The following UBE2D2 variants were observed in gnomAD, a reference collection of about 807,000 sequenced individuals.
UBE2D2 encodes ubiquitin conjugating enzyme E2 D2.
A neutral mutation model predicts 24.2 loss-of-function variants in UBE2D2; 2 were observed. That is an observed-to-expected ratio of 0.08 (90% confidence interval 0.03 to 0.26). The LOEUF (loss-of-function observed/expected upper bound fraction) is 0.26, where lower values mean the gene tolerates loss of function less well. Ranked by LOEUF, UBE2D2 falls within the 10% of genes least tolerant of loss-of-function variation. The pLI is 1.00. For synonymous variants in UBE2D2, 58 were observed against 56.5 expected (o/e 1.03, Z -0.12); for missense variants, 44 against 177.6 (o/e 0.25, Z 4.28).
At chr5:139,591,517 A>C (rs947705930) in intron 1 of UBE2D2, among the ~76,000 whole-genome samples, 2 of 152,156 alleles carry the variant, frequency 1.3e-5, no homozygotes, top group African/African-American at 4.8e-5. Flanking sequence ...GCTTATAGTT[A>C]GTTCAGGGAG....
chr5:139,561,741 C>T lies in UBE2D2; in HGVS notation c.-51C>T. ...AGGCTCCCTAGCCCCTTCCCCGTCC[C>T]TTCCCCGCCCCCGTCCCCGCCCCGG... On this transcript the variant is annotated 5_prime_UTR_variant, in exon 1 of 7. Coordinates refer to ENST00000398733, the MANE Select transcript of UBE2D2 (RefSeq NM_003339.3). 1 of 1,405,916 alleles carries T rather than the reference C, an allele frequency of 7.1e-7. No individual in the cohort carries two copies. The highest frequency in any genetic ancestry group is 1.5e-5 in the African/African-American group (1 of 65,984). 87.1% of individuals were successfully genotyped at this position (1,405,916 alleles called of 1,614,324 possible).
intron 1 of UBE2D2, among the ~76,000 whole-genome samples, chr5:139,537,130 C>A (rs1205862861): frequency 1.3e-5 from 2 of 150,618 alleles, no homozygotes; most frequent in Non-Finnish European, 3.0e-5. Context: ...TTGCAGTGAG[C>A]TGAGATCATG....
intron 2 of UBE2D2, among the ~76,000 whole-genome samples, chr5:139,602,812 C>T (rs1754110756): frequency 6.6e-6 from 1 of 152,168 alleles, no homozygotes; most frequent in East Asian, 1.9e-4. Flanking sequence ...AATTATGAGT[C>T]TAAGTACATG....
Position 139,579,939 on chromosome 5 carries a change from C to T in UBE2D2, c.24+18124C>T, listed in dbSNP as rs562521539. ...GCACGCGCCTGTAATCCCAGCTACT[C>T]GGGAGGCTGAGGCAGGAGAATTGCT... On this transcript the variant is annotated intron_variant, in intron 1 of 6. Transcript: ENST00000398733. Among the ~76,000 whole-genome samples, 35 of 151,524 alleles carry T rather than the reference C, an allele frequency of 2.3e-4. 1 individual carries two copies. Among genetic ancestry groups the T allele is most frequent in the Admixed American group, 6.6e-4 (10 of 15,150 alleles).
chr5:139,554,198 A>G (rs1752953495), intron 1 of UBE2D2, among the ~76,000 whole-genome samples: 1 of 152,094 alleles, frequency 6.6e-6, no homozygotes, highest in South Asian at 2.1e-4. Flanking sequence ...TTAAAGGCTC[A>G]TGCAGACAGA....
chr5:139,564,140 T>G (rs1753167908), intron 1 of UBE2D2, among the ~76,000 whole-genome samples: 1 of 152,166 alleles, frequency 6.6e-6, no homozygotes, highest in Non-Finnish European at 1.5e-5. Flanking sequence ...TTTAATAAAA[T>G]CAAGTTTAGA....
At chr5:139,588,220 C>T (rs2126672804) in intron 1 of UBE2D2, among the ~76,000 whole-genome samples, 1 of 152,162 alleles carries the variant, frequency 6.6e-6, no homozygotes, top group East Asian at 1.9e-4. Flanking sequence ...GCCTCAGCCT[C>T]CACTGCACCT....
At chr5:139,562,312 C>A in intron 1 of UBE2D2, 1 of 1,349,648 alleles carries the variant, frequency 7.4e-7, no homozygotes, top group Non-Finnish European at 9.8e-7. Context: ...ACAAGTATAT[C>A]CTGAGTTCAC....
chr5:139,611,319 T>G (rs1484706652), intron 2 of UBE2D2, among the ~76,000 whole-genome samples: 1 of 151,550 alleles, frequency 6.6e-6, no homozygotes, highest in Admixed American at 6.6e-5. Flanking sequence ...CCTGAGTAGC[T>G]GGGATTACAG....
At chr5:139,539,072 T>G (rs1346174720) in intron 1 of UBE2D2, among the ~76,000 whole-genome samples, 3 of 152,028 alleles carry the variant, frequency 2.0e-5, no homozygotes, top group Non-Finnish European at 4.4e-5. Context: ...TCGCCCAGGC[T>G]GGAGTGCAGT....
At chr5:139,564,003 G>T (rs1395688767) in intron 1 of UBE2D2, among the ~76,000 whole-genome samples, 3 of 152,064 alleles carry the variant, frequency 2.0e-5, no homozygotes, top group African/African-American at 7.2e-5. Flanking sequence ...TTCAGAGAGG[G>T]AACTATCTCT....
intron 1 of UBE2D2, among the ~76,000 whole-genome samples, chr5:139,595,535 G>A (rs547108125): frequency 3.3e-5 from 5 of 151,876 alleles, no homozygotes; most frequent in South Asian, 2.1e-4. Context: ...CCCCCACCAC[G>A]CCTGGCTAAT....
At chr5:139,540,070 C>T (rs1207775428) in intron 1 of UBE2D2, among the ~76,000 whole-genome samples, 4 of 151,802 alleles carry the variant, frequency 2.6e-5, no homozygotes, top group African/African-American at 9.7e-5. Flanking sequence ...CAGGCATGCA[C>T]CACTACGCCT....
intron 1 of UBE2D2, among the ~76,000 whole-genome samples, chr5:139,594,575 G>A (rs149133266): frequency 4.0e-5 from 6 of 151,896 alleles, no homozygotes; most frequent in African/African-American, 7.2e-5. Flanking sequence ...CACCACACCC[G>A]ACTAATTTTT....
rs757917838 is a variant in UBE2D2, at chr5:139,600,355, CTT to C, written c.25-15_25-14del. 8.3e-5 allele frequency: 134 copies of C among 1,612,854 alleles called. No homozygotes were observed. In the African/African-American group the frequency reaches 1.6e-3, roughly 20 times the overall value. ...CATTTATGTTGAATATATTTCTTTTCTTTCTTTTTTCTGTAGGAATTGAATGA... is the reference window on the plus strand; with the variant it reads ...CATTTATGTTGAATATATTTCTTTTCTCTTTTTTCTGTAGGAATTGAATGA... On this transcript the variant is annotated splice_polypyrimidine_tract_variant and intron_variant, in intron 1 of 6. Coordinates refer to ENST00000398733, the MANE Select transcript of UBE2D2 (RefSeq NM_003339.3).
At chr5:139,562,051 T>C in intron 1 of UBE2D2, 1 of 826,382 alleles carries the variant, frequency 1.2e-6, no homozygotes, top group South Asian at 2.0e-5. Flanking sequence ...CGGCTGCCCT[T>C]CCAGGCCCGC....
At chr5:139,532,928 G>A (rs1234562726) in intron 1 of UBE2D2, among the ~76,000 whole-genome samples, 2 of 151,374 alleles carry the variant, frequency 1.3e-5, no homozygotes, top group Non-Finnish European at 1.5e-5. Flanking sequence ...CCAACATGGC[G>A]AAACCCCGTC....
intron 1 of UBE2D2, among the ~76,000 whole-genome samples, chr5:139,539,828 C>T (rs1752732602): frequency 6.6e-6 from 1 of 152,038 alleles, no homozygotes; most frequent in Non-Finnish European, 1.5e-5. Flanking sequence ...AACTCCTGAC[C>T]TCAAGTGATC....
intron 1 of UBE2D2, 55 bp from the exon 2 acceptor site, chr5:139,600,317 T>C: frequency 1.3e-6 from 2 of 1,568,380 alleles, no homozygotes; most frequent in Non-Finnish European, 1.7e-6. Flanking sequence ...ACTTTAGTAA[T>C]GGATAAAAGG....
Sources: gnomAD v4.1 joint callset for allele counts (sites outside exome capture counted in the v4.1 genomes callset) on GRCh38, gnomAD v4.1.1 for gene constraint, MANE v1.5 for transcripts, NCBI Gene and HGNC (gene_info 2026-07-23, HGNC 2026-07-21) for gene names.